Variants in HSD17B3 observed in about 807,000 individuals in gnomAD.
HSD17B3 encodes the protein 17-beta-hydroxysteroid dehydrogenase type 3.
HSD17B3 carries 29 observed loss-of-function variants against 41.1 expected under a neutral mutation model. That is an observed-to-expected ratio of 0.71 (90% CI 0.53 to 0.96). HSD17B3 has a LOEUF of 0.96. Ranked by LOEUF, HSD17B3 falls within the 40% of genes least tolerant of loss-of-function variation. The probability of loss-of-function intolerance (pLI) is 0.00; values close to 1 mark genes in which losing one functional copy is unlikely to be tolerated. For synonymous variants in HSD17B3, 126 were observed against 145.6 expected (o/e 0.87, Z 0.97); for missense variants, 323 against 374.6 (o/e 0.86, Z 1.14).
chr9:96,278,314 C>G (rs530406129), intron 2 of HSD17B3, among the ~76,000 whole-genome samples: 4 of 152,064 alleles, frequency 2.6e-5, no homozygotes, highest in African/African-American at 4.8e-5. Flanking sequence ...ATAATAGATA[C>G]GTTCGTTAAC....
At chr9:96,282,224 T>G (rs1826727172) in intron 2 of HSD17B3, among the ~76,000 whole-genome samples, 11 of 152,152 alleles carry the variant, frequency 7.2e-5, no homozygotes, top group Admixed American at 7.2e-4. Flanking sequence ...GGATGAGTCC[T>G]TTATTCTCTG....
chr9:96,240,113 C>A (rs569232708), intron 10 of HSD17B3, among the ~76,000 whole-genome samples: 4 of 152,140 alleles, frequency 2.6e-5, no homozygotes, highest in Non-Finnish European at 5.9e-5. Context: ...AGGACAAATA[C>A]CTAGTGCAAG....
chr9:96,244,713 G>T (rs567941421), intron 8 of HSD17B3, among the ~76,000 whole-genome samples: 1 of 152,028 alleles, frequency 6.6e-6, no homozygotes, highest in South Asian at 2.1e-4. Flanking sequence ...TAATTCGCTT[G>T]ACTTGATCGT....
chr9:96,264,993 G>A (rs1423778765), intron 2 of HSD17B3, among the ~76,000 whole-genome samples: 3 of 152,180 alleles, frequency 2.0e-5, no homozygotes, highest in Non-Finnish European at 4.4e-5. Context: ...GCAAGCTGAT[G>A]ATTGCTTGAG....
intron 2 of HSD17B3, among the ~76,000 whole-genome samples, chr9:96,281,761 C>A (rs1033024230): frequency 1.3e-5 from 2 of 152,174 alleles, no homozygotes; most frequent in Non-Finnish European, 2.9e-5. Context: ...AGGAAAAGAT[C>A]CCTTCACTAC....
chr9:96,282,984 G>GTTTC (rs1826756633), intron 2 of HSD17B3, among the ~76,000 whole-genome samples: 2 of 124,976 alleles, frequency 1.6e-5, no homozygotes, highest in South Asian at 4.9e-4. Flanking sequence ...AGCACAACAG[G>GTTTC]TTTCTTTCTT....
At chr9:96,279,103 T>C (rs1564053589) in intron 2 of HSD17B3, among the ~76,000 whole-genome samples, 1 of 152,240 alleles carries the variant, frequency 6.6e-6, no homozygotes. Context: ...AATGCTACTC[T>C]GCTATACCCA....
intron 2 of HSD17B3, among the ~76,000 whole-genome samples, chr9:96,262,676 A>G (rs574210181): frequency 6.6e-6 from 1 of 152,312 alleles, no homozygotes; most frequent in East Asian, 1.9e-4. Flanking sequence ...TTGGTGCAAA[A>G]GCAATCACGG....
intron 9 of HSD17B3, among the ~76,000 whole-genome samples, chr9:96,242,005 G>GAAAGAAAGAGAA (rs10639457): frequency 7.3e-4 from 50 of 68,546 alleles, no homozygotes; most frequent in Middle Eastern, 8.3e-3. Flanking sequence ...AAGAAAGAAA[G>GAAAGAAAGAGAA]AGAAAGAAAA....
At chr9:96,238,752 C>T (rs957927928) in intron 10 of HSD17B3, among the ~76,000 whole-genome samples, 1 of 152,116 alleles carries the variant, frequency 6.6e-6, no homozygotes, top group Admixed American at 6.5e-5. Flanking sequence ...TGTCCTCTGT[C>T]GGGTGTGAGC....
chr9:96,247,527 C>CT (rs931049780), intron 6 of HSD17B3, among the ~76,000 whole-genome samples: 2 of 152,198 alleles, frequency 1.3e-5, no homozygotes, highest in Admixed American at 6.5e-5. Context: ...GCTGGGGGGC[C>CT]AGGGGGCCAG....
In HSD17B3 at chr9:96,256,325, T is replaced by G. The variant is rs183497168; in HGVS notation, c.202-1382A>C. The G allele has an allele frequency of 3.3e-5, 5 of 152,178 alleles. No homozygotes were observed. The East Asian group carries it at 9.7e-4, about 29-fold the overall frequency. 9.4% of individuals were successfully genotyped at this position (152,178 alleles called of 1,614,324 possible). A position where few individuals can be genotyped will look rare whatever the true frequency, so the allele number is the denominator to read the frequency against. On this transcript the variant is annotated intron_variant, in intron 2 of 10. Transcript: ENST00000375263. ...TGTGTTGCAGAAACAAGCACTACAC[T>G]GTTATTTTAAAAAGTTACGTATTAT... is the stretch of plus-strand genomic sequence containing the variant.
intron 2 of HSD17B3, among the ~76,000 whole-genome samples, chr9:96,268,954 GA>G (rs569107858): frequency 3.4e-5 from 5 of 147,558 alleles, no homozygotes; most frequent in Admixed American, 2.0e-4. Flanking sequence ...ATCTCAAAAA[GA>G]AAAAAAAAAC....
At chr9:96,301,835 C>T (rs8190484) in intron 1 of HSD17B3, 116 bp downstream of exon 1, 14,665 of 1,114,276 alleles carry the variant, frequency 0.013, 325 homozygotes, top group South Asian at 0.062. Flanking sequence ...GAGCCAAGAT[C>T]GCGCCATTGC....
intron 8 of HSD17B3, among the ~76,000 whole-genome samples, chr9:96,244,974 G>A (rs768521180): frequency 2.0e-5 from 3 of 152,052 alleles, no homozygotes; most frequent in Non-Finnish European, 2.9e-5. Context: ...AACCTCCCTT[G>A]TACAGCGCCC....
intron 2 of HSD17B3, among the ~76,000 whole-genome samples, chr9:96,283,916 T>C (rs1307010435): frequency 2.6e-5 from 4 of 152,064 alleles, no homozygotes; most frequent in South Asian, 4.2e-4. Context: ...TTAACCTGAA[T>C]TGACTGAACC....
intron 2 of HSD17B3, among the ~76,000 whole-genome samples, chr9:96,283,999 T>C (rs74770842): frequency 0.013 from 1,940 of 151,880 alleles, 94 homozygotes; most frequent in Admixed American, 0.099. Context: ...CCAAGGCAGG[T>C]GAATCACAAG....
In HSD17B3 at chr9:96,259,385, G is replaced by A. The variant is rs142397351; in HGVS notation, c.202-4442C>T. On this transcript the variant is annotated intron_variant, in intron 2 of 10. Transcript: ENST00000375263. ...GTCTCTACCACTTATTTCCATCAGC[G>A]CAAGTCAGTTGTTGTGGGGATCATA... is the stretch of plus-strand genomic sequence containing the variant. Among the ~76,000 whole-genome samples, 28 of 152,246 alleles carry A rather than the reference G, an allele frequency of 1.8e-4. 1 individual carries two copies. In the East Asian group the frequency reaches 4.2e-3, roughly 23 times the overall value.
intron 2 of HSD17B3, among the ~76,000 whole-genome samples, chr9:96,273,141 T>C (rs1199821987): frequency 6.6e-6 from 1 of 152,198 alleles, no homozygotes; most frequent in Non-Finnish European, 1.5e-5. Context: ...ACTATATCAA[T>C]GCCCAGAACC....
Sources: allele counts gnomAD v4.1 joint callset (sites outside exome capture counted in the v4.1 genomes callset), GRCh38; gene constraint gnomAD v4.1.1; transcripts MANE v1.5; gene names NCBI Gene and HGNC (gene_info 2026-07-23, HGNC 2026-07-21).